The following CACNA2D3 variants were observed in gnomAD, a reference collection of about 807,000 sequenced individuals.
CACNA2D3 encodes calcium voltage-gated channel auxiliary subunit alpha2delta 3.
A neutral mutation model predicts 160.6 loss-of-function variants in CACNA2D3; 60 were observed. The observed-to-expected ratio is 0.37, with a 90% confidence interval of 0.30 to 0.46. The LOEUF (loss-of-function observed/expected upper bound fraction) is 0.46, where lower values mean the gene tolerates loss of function less well. Ranked by LOEUF, CACNA2D3 falls within the 20% of genes least tolerant of loss-of-function variation. The pLI, the probability that CACNA2D3 is intolerant of heterozygous loss-of-function variation, is 1.00. For missense variants in CACNA2D3, 1,205 were observed against 1,365.0 expected (o/e 0.88, Z 1.85); for synonymous variants, 558 against 492.9 (o/e 1.13, Z -1.75).
chr3:54,798,315 G>A (rs1702911079), intron 13 of CACNA2D3, among the ~76,000 whole-genome samples: 5 of 152,012 alleles, frequency 3.3e-5, no homozygotes, highest in Admixed American at 2.0e-4. Context: ...CAGGTGGATC[G>A]CGAGGTTGGG....
chr3:55,010,328 C>T (rs532647183), intron 34 of CACNA2D3, among the ~76,000 whole-genome samples: 2 of 152,166 alleles, frequency 1.3e-5, no homozygotes, highest in Admixed American at 1.3e-4. Flanking sequence ...ACACCAAACC[C>T]TCGAGACATG....
At chr3:54,471,561 C>T (rs1375708820) in intron 4 of CACNA2D3, among the ~76,000 whole-genome samples, 1 of 152,018 alleles carries the variant, frequency 6.6e-6, no homozygotes, top group Non-Finnish European at 1.5e-5. Flanking sequence ...CAGAGCAGAA[C>T]TGAAGGAGAT....
intron 4 of CACNA2D3, among the ~76,000 whole-genome samples, chr3:54,432,265 A>G (rs2106775784): frequency 6.6e-6 from 1 of 152,266 alleles, no homozygotes; most frequent in East Asian, 1.9e-4. Flanking sequence ...TCTAATTTTT[A>G]TATTATTTTT....
intron 4 of CACNA2D3, among the ~76,000 whole-genome samples, chr3:54,474,816 G>C (rs1021436839): frequency 6.6e-6 from 1 of 151,968 alleles, no homozygotes; most frequent in African/African-American, 2.4e-5. Flanking sequence ...TTGAGTTCTC[G>C]GATATACACT....
At chr3:55,058,935 G>A (rs1231885875) in intron 35 of CACNA2D3, among the ~76,000 whole-genome samples, 1 of 152,030 alleles carries the variant, frequency 6.6e-6, no homozygotes, top group Non-Finnish European at 1.5e-5. Context: ...CCCCGCCGCC[G>A]CTCTTTTTTT....
intron 4 of CACNA2D3, among the ~76,000 whole-genome samples, chr3:54,486,175 G>A (rs913020615): frequency 2.6e-5 from 4 of 152,190 alleles, no homozygotes; most frequent in Non-Finnish European, 4.4e-5. Flanking sequence ...AAGTAGAAAG[G>A]AGAGGTGAGA....
intron 11 of CACNA2D3, among the ~76,000 whole-genome samples, chr3:54,652,681 GGAA>G (rs1416017078): frequency 6.6e-6 from 1 of 152,098 alleles, no homozygotes; most frequent in Admixed American, 6.6e-5. Flanking sequence ...CAGGGTGATA[GGAA>G]GGCTGGCAGC....
At chr3:54,604,719 A>G (rs935581299) in intron 9 of CACNA2D3, among the ~76,000 whole-genome samples, 4 of 152,062 alleles carry the variant, frequency 2.6e-5, no homozygotes, top group African/African-American at 4.8e-5. Flanking sequence ...CTTGGCAGTA[A>G]CCTTCTAATA....
chr3:54,661,440 C>T (rs1015469460), intron 11 of CACNA2D3, among the ~76,000 whole-genome samples: 2 of 152,130 alleles, frequency 1.3e-5, no homozygotes, highest in African/African-American at 4.8e-5. Flanking sequence ...TCTGTGTGAG[C>T]CAAGGACATA....
At position 54,883,799 on chromosome 3, in the gene CACNA2D3, A is replaced by ATCTCTCTCTC. The variant is rs9311543; in HGVS notation, c.1913-1467_1913-1458dup. On this transcript the variant is annotated intron_variant, in intron 21 of 37. Coordinates refer to ENST00000474759, the MANE Select transcript of CACNA2D3 (RefSeq NM_018398.3). ...TCCTGACCTCCATAGTTACAATGGA[A>ATCTCTCTCTC]TCTCTCTCTCTCTCTCTCTCTCTCC... Among the ~76,000 whole-genome samples the ATCTCTCTCTC allele has an allele frequency of 7.9e-4, 85 of 107,466 alleles. 1 individual carries two copies. Among genetic ancestry groups the ATCTCTCTCTC allele is most frequent in the African/African-American group, 2.1e-3 (62 of 28,946 alleles). 70.5% of individuals were successfully genotyped at this position (107,466 alleles called of 152,430 possible). A position where few individuals can be genotyped will look rare whatever the true frequency, so the allele number is the denominator to read the frequency against.
At chr3:54,412,721 GT>G (rs1024756788) in intron 4 of CACNA2D3, among the ~76,000 whole-genome samples, 13 of 147,088 alleles carry the variant, frequency 8.8e-5, no homozygotes, top group African/African-American at 3.2e-4. Context: ...CTTTCTCTCT[GT>G]TTTTGTTGTT....
At chr3:54,761,540 G>A (rs555514383) in intron 12 of CACNA2D3, among the ~76,000 whole-genome samples, 1 of 152,240 alleles carries the variant, frequency 6.6e-6, no homozygotes, top group East Asian at 1.9e-4. Context: ...TGTCCTTTCC[G>A]ACCATGCCTC....
intron 32 of CACNA2D3, among the ~76,000 whole-genome samples, chr3:55,006,822 C>T (rs1223897816): frequency 6.6e-6 from 1 of 152,196 alleles, no homozygotes; most frequent in Non-Finnish European, 1.5e-5. Context: ...CCTCCATTCT[C>T]AGTTCTAGTT....
At chr3:54,213,559 G>A (rs1404726728) in intron 2 of CACNA2D3, among the ~76,000 whole-genome samples, 2 of 152,204 alleles carry the variant, frequency 1.3e-5, no homozygotes, top group East Asian at 3.9e-4. Context: ...CACCTGAGGA[G>A]CATGCATTTC....
chr3:54,927,392 T>C lies in CACNA2D3; in HGVS notation c.2449+27524T>C, dbSNP rs1468775114. On this transcript the variant is annotated intron_variant, in intron 27 of 37. Transcript: ENST00000474759. ...GTTTTCCTTTCTATAATTTTGCAAA[T>C]AATCTAAATGACTCCTTTCAAAGCC... 2.0e-5 allele frequency among the ~76,000 whole-genome samples: 3 copies of C among 152,168 alleles called. 1 individual carries two copies. Among genetic ancestry groups the C allele is most frequent in the African/African-American group, 7.2e-5 (3 of 41,426 alleles).
At chr3:54,362,996 A>G (rs978395968) in intron 3 of CACNA2D3, among the ~76,000 whole-genome samples, 1 of 152,170 alleles carries the variant, frequency 6.6e-6, no homozygotes, top group Non-Finnish European at 1.5e-5. Flanking sequence ...GGAGATTGAG[A>G]CCATCCTGGT....
chr3:54,803,359 G>C (rs1703040269), intron 13 of CACNA2D3, among the ~76,000 whole-genome samples: 1 of 152,182 alleles, frequency 6.6e-6, no homozygotes, highest in Non-Finnish European at 1.5e-5. Flanking sequence ...ACAGAGAAGT[G>C]CTTAAAGGAG....
intron 9 of CACNA2D3, among the ~76,000 whole-genome samples, chr3:54,616,666 T>C (rs1172991853): frequency 6.6e-6 from 1 of 152,138 alleles, no homozygotes; most frequent in Non-Finnish European, 1.5e-5. Flanking sequence ...TAAAACAAGA[T>C]TGGCTGTGAG....
intron 3 of CACNA2D3, among the ~76,000 whole-genome samples, chr3:54,361,417 T>G (rs1698741276): frequency 1.3e-5 from 2 of 152,144 alleles, no homozygotes; most frequent in African/African-American, 4.8e-5. Flanking sequence ...GAATGACGAA[T>G]TTTAGGCCCA....
Sources: allele counts gnomAD v4.1 joint callset (sites outside exome capture counted in the v4.1 genomes callset), GRCh38; gene constraint gnomAD v4.1.1; transcripts MANE v1.5; gene names NCBI Gene and HGNC (gene_info 2026-07-23, HGNC 2026-07-21).